ITGB4: variants seen among roughly 807,000 people sequenced by gnomAD.
The protein encoded by ITGB4 is integrin beta-4.
ITGB4 carries 159 observed loss-of-function variants against 207.6 expected under a neutral mutation model. That is an observed-to-expected ratio of 0.77 (90% confidence interval 0.67 to 0.87). The LOEUF (loss-of-function observed/expected upper bound fraction) is 0.87, where lower values mean the gene tolerates loss of function less well. Among genes scored for constraint, ITGB4 ranks in the 40% least tolerant of loss-of-function variants. The probability of loss-of-function intolerance (pLI) is 0.00; values close to 1 mark genes in which losing one functional copy is unlikely to be tolerated. For missense variants in ITGB4, 2,278 were observed against 2,546.8 expected, an observed-to-expected ratio of 0.89 and a Z score of 2.27; for synonymous variants, 1,020 against 1,062.7, an observed-to-expected ratio of 0.96 and a Z score of 0.78.
In ITGB4 at chr17:75,726,753, A is replaced by C. The variant is rs34411869; in HGVS notation, c.80-442A>C. 1.3e-3 allele frequency among the ~76,000 whole-genome samples: 193 copies of C among 149,976 alleles called. 5 individuals carry two copies. The East Asian group carries it at 0.035, about 27-fold the overall frequency. ...CTGAAAAATAAAGTAAAACAAAATA[A>C]AAATACAACAACAACAACAAACCAA... On this transcript the variant is annotated intron_variant, in intron 2 of 39. Coordinates refer to ENST00000200181, the MANE Select transcript of ITGB4 (RefSeq NM_000213.5).
intron 5 of ITGB4, among the ~76,000 whole-genome samples, chr17:75,728,111 C>T (rs1307700893): frequency 1.3e-5 from 2 of 152,182 alleles, no homozygotes; most frequent in Non-Finnish European, 2.9e-5. Context: ...CCCCCTGCCA[C>T]GAGGCTGTGG....
intron 26 of ITGB4, among the ~76,000 whole-genome samples, chr17:75,745,260 G>T (rs889580744): frequency 2.6e-5 from 4 of 151,620 alleles, no homozygotes; most frequent in Non-Finnish European, 4.4e-5. Flanking sequence ...GGGCATGGTA[G>T]TGCATACTTG....
chr17:75,727,643 G>A lies in ITGB4; in HGVS notation c.265-8G>A, dbSNP rs2060750325. On this transcript the variant is annotated splice_polypyrimidine_tract_variant and splice_region_variant and intron_variant, in intron 4 of 39. Coordinates refer to ENST00000200181, the MANE Select transcript of ITGB4 (RefSeq NM_000213.5). This position sits in a 1 kb window ranked among gnomAD's most constrained non-coding sequence, Gnocchi z 6.0. ...CTCTAGCCAGCTGTCCCCTTCCACTGGCTGCAGGAGACCCAGATTGACACC... is the reference window on the plus strand; with the variant it reads ...CTCTAGCCAGCTGTCCCCTTCCACTAGCTGCAGGAGACCCAGATTGACACC... The A allele has an allele frequency of 1.3e-6, 2 of 1,599,932 alleles. No individual in the cohort carries two copies. The highest frequency in any genetic ancestry group is 2.7e-5 in the African/African-American group (2 of 74,682).
Position 75,737,617 on chromosome 17 carries a change from A to G in ITGB4, c.2193A>G (p.Leu731=). 6.2e-7 allele frequency: 1 copy of G among 1,613,358 alleles called. No homozygotes were observed. Among genetic ancestry groups the G allele is most frequent in the Non-Finnish European group, 8.5e-7 (1 of 1,179,790 alleles). Residue 731 remains leucine (L), a synonymous_variant, in exon 18 of 40, where the codon CTA becomes CTG. Coordinates refer to ENST00000200181, the MANE Select transcript of ITGB4 (RefSeq NM_000213.5). ...LLPLLALLLL[L]CWKYCACCKA... ...CGCTCCTGGCCCTGCTACTGCTGCTATGCTGGAAGTACTGTGCCTGCTGCA... is the reference window on the plus strand; with the variant it reads ...CGCTCCTGGCCCTGCTACTGCTGCTGTGCTGGAAGTACTGTGCCTGCTGCA...
rs368024960 is a variant in ITGB4, at chr17:75,754,981, G to C, written c.4558+166G>C. 3 of 1,528,896 alleles carry C rather than the reference G, an allele frequency of 2.0e-6. No individual in the cohort carries two copies. In the African/African-American group the frequency reaches 4.1e-5, roughly 21 times the overall value. 94.7% of individuals were successfully genotyped at this position (1,528,896 alleles called of 1,614,324 possible). On this transcript the variant is annotated intron_variant, in intron 34 of 39. Coordinates refer to ENST00000200181, the MANE Select transcript of ITGB4 (RefSeq NM_000213.5). ...GCACACGCATGCACACATGTACACA[G>C]ACATGCATGCGCACACGTACACACA...
intron 30 of ITGB4, chr17:75,751,858 C>T (rs2061373824): frequency 2.2e-6 from 1 of 447,880 alleles, no homozygotes; most frequent in South Asian, 2.1e-5. Context: ...GGTGGGCAAC[C>T]CCTATGCGTG....
rs191052104 is a variant in ITGB4, at chr17:75,751,623, C to T, written c.3793+512C>T. On this transcript the variant is annotated intron_variant, in intron 30 of 39. Coordinates refer to ENST00000200181, the MANE Select transcript of ITGB4 (RefSeq NM_000213.5). ...AGGCATGGTGGCTCATGCCTGTAGT[C>T]CCAGCTAGTCAGGAGGCTGAGGCAG... 447 of 225,472 alleles carry T rather than the reference C, an allele frequency of 2.0e-3. 1 individual carries two copies. The highest frequency in any genetic ancestry group is 8.2e-3 in the African/African-American group (355 of 43,402). 14.0% of individuals were successfully genotyped at this position (225,472 alleles called of 1,614,324 possible).
chr17:75,736,368 C>T lies in ITGB4; in HGVS notation c.1842C>T (p.Cys614=), dbSNP rs147499356. 5.1e-5 allele frequency: 83 copies of T among 1,614,110 alleles called. No homozygotes were observed. The highest frequency in any genetic ancestry group is 6.5e-5 in the Non-Finnish European group (77 of 1,179,998). The change falls in exon 15 of 40, where the codon TGC becomes TGT. Residue 614 remains cysteine (C), a synonymous_variant. Transcript: ENST00000200181. The stretch of plus-strand genomic sequence containing the variant: ...AGTCGCTCTACACGGACACCATCTG[C>T]GAGATCAACTACTCGGCGGTGAGGC... The part of the protein sequence containing the change: ...HQQSLYTDTI[C]EINYSAIHPG...
chr17:75,736,041 C>G lies in ITGB4; in HGVS notation c.1658-10C>G. The G allele has an allele frequency of 6.2e-7, 1 of 1,613,368 alleles. No homozygotes were observed. The highest frequency in any genetic ancestry group is 1.1e-5 in the South Asian group (1 of 91,076). ...TAGCTCTCATCTCCCTTCCTTGTCC[C>G]TCTCTGCAGACCGAGGACGCTGCTC... On this transcript the variant is annotated splice_polypyrimidine_tract_variant and intron_variant, in intron 13 of 39. Coordinates refer to ENST00000200181, the MANE Select transcript of ITGB4 (RefSeq NM_000213.5).
At chr17:75,755,239 T>A in intron 34 of ITGB4, 1 of 1,590,722 alleles carries the variant, frequency 6.3e-7, no homozygotes, top group Non-Finnish European at 8.6e-7. Context: ...CCATCCTGTC[T>A]CCACAGCTGT....
Position 75,734,175 on chromosome 17 carries a change from C to T in ITGB4, c.1657+483C>T, listed in dbSNP as rs182672141. 2.1e-3 allele frequency among the ~76,000 whole-genome samples: 256 copies of T among 119,842 alleles called. 1 individual carries two copies. The Middle Eastern group carries it at 0.024, about 11-fold the overall frequency. 78.6% of individuals were successfully genotyped at this position (119,842 alleles called of 152,430 possible). A position where few individuals can be genotyped will look rare whatever the true frequency, so the allele number is the denominator to read the frequency against. ...TTTTGAGACAGAGTTTCACTCTTGTCGCCCAGGCTGGAGTGCAATAGCACA... is the reference window on the plus strand; with the variant it reads ...TTTTGAGACAGAGTTTCACTCTTGTTGCCCAGGCTGGAGTGCAATAGCACA... On this transcript the variant is annotated intron_variant, in intron 13 of 39. Coordinates refer to ENST00000200181, the MANE Select transcript of ITGB4 (RefSeq NM_000213.5).
Position 75,750,300 on chromosome 17 carries a change from G to A in ITGB4, c.3474+32G>A. 2.5e-6 allele frequency: 4 copies of A among 1,584,076 alleles called. No individual in the cohort carries two copies. Among genetic ancestry groups the A allele is most frequent in the Non-Finnish European group, 3.4e-6 (4 of 1,162,528 alleles). ...CGGGGGGCTGAGGGTCACGACAGGTGGATGGGCGGTCTGGCACCAGCACTC... is the reference window on the plus strand; with the variant it reads ...CGGGGGGCTGAGGGTCACGACAGGTAGATGGGCGGTCTGGCACCAGCACTC... On this transcript the variant is annotated intron_variant, in intron 28 of 39. Transcript: ENST00000200181. The surrounding 1 kb of genome is among the most constrained non-coding windows in gnomAD (Gnocchi z 5.5).
intron 25 of ITGB4, among the ~76,000 whole-genome samples, 185 bp from the exon 26 acceptor site, chr17:75,743,528 C>T (rs371454556): frequency 6.6e-6 from 1 of 152,198 alleles, no homozygotes; most frequent in African/African-American, 2.4e-5. Flanking sequence ...CCACTGCGCC[C>T]GGCCCCTCAT....
chr17:75,755,182 T>C (rs745643915), intron 34 of ITGB4: 88 of 1,606,728 alleles, frequency 5.5e-5, no homozygotes, highest in Non-Finnish European at 7.4e-5. Flanking sequence ...TAATCCTGGC[T>C]GGGAGGCCAG....
chr17:75,730,557 G>A, intron 8 of ITGB4, 53 bp downstream of exon 8: 1 of 1,596,812 alleles, frequency 6.3e-7, no homozygotes, highest in Non-Finnish European at 8.6e-7. Flanking sequence ...GGGGTCCATG[G>A]AGCTTCTCAG....
Position 75,754,733 on chromosome 17 carries a change from C to G in ITGB4, c.4476C>G (p.Tyr1492Ter). 1 of 1,614,076 alleles carries G rather than the reference C, an allele frequency of 6.2e-7. No individual in the cohort carries two copies. Among genetic ancestry groups the G allele is most frequent in the South Asian group, 1.1e-5 (1 of 91,078 alleles). Reference sequence around the variant, plus strand: ...CATCCTCCACCCTCACACGGGACTACAACTCACTGACCCGCTCAGAACACT... The same window carrying G: ...CATCCTCCACCCTCACACGGGACTAGAACTCACTGACCCGCTCAGAACACT... ...LSTSSTLTRD[Y>*]NSLTRSEHSH... Residue 1492 changes from tyrosine (Y) to a stop codon, truncating the protein, a stop_gained, in exon 34 of 40, where the codon TAC becomes TAG. Coordinates refer to ENST00000200181, the MANE Select transcript of ITGB4 (RefSeq NM_000213.5). LOFTEE classifies it high-confidence loss of function.
In ITGB4 at chr17:75,731,702, C is replaced by T; in HGVS notation, c.1216-110C>T. On this transcript the variant is annotated intron_variant, in intron 10 of 39. Transcript: ENST00000200181. This position sits in a 1 kb window ranked among gnomAD's most constrained non-coding sequence, Gnocchi z 6.8. ...GAGGGAGGTGAGCAGGAGCTCATTT[C>T]AGGGATCCAGACATCTCCTAGGAAC... 1 of 1,229,242 alleles carries T rather than the reference C, an allele frequency of 8.1e-7. No homozygotes were observed. Among genetic ancestry groups the T allele is most frequent in the South Asian group, 1.6e-5 (1 of 64,512 alleles). 76.1% of individuals were successfully genotyped at this position (1,229,242 alleles called of 1,614,324 possible).
At position 75,737,569 on chromosome 17, in the gene ITGB4, C is replaced by T. The variant is rs140999738; in HGVS notation, c.2145C>T (p.Ile715=). Residue 715 remains isoleucine (I), a synonymous_variant, in exon 18 of 40, where the codon ATC becomes ATT. Coordinates refer to ENST00000200181, the MANE Select transcript of ITGB4 (RefSeq NM_000213.5). ...CTCCGGGCTCCTTCTGGTGGCTCAT[C>T]CCCCTGCTCCTCCTCCTCCTGCCGC... ...DCPPGSFWWL[I]PLLLLLLPLL... 688 of 1,598,298 alleles carry T rather than the reference C, an allele frequency of 4.3e-4. No homozygotes were observed. The highest frequency in any genetic ancestry group is 5.4e-4 in the Non-Finnish European group (639 of 1,172,738).
In ITGB4 at chr17:75,748,943, C is replaced by T. The variant is rs368025166; in HGVS notation, c.3214C>T (p.Arg1072Trp). Residue 1072 changes from arginine (R) to tryptophan (W), a missense_variant, in exon 27 of 40, where the codon CGG becomes TGG. Transcript: ENST00000200181. Reference sequence around the variant, plus strand: ...GCTGCAAGAAGTTGACTCCCTCCTGCGGGGCCGCCAGGTCCGCCGTTTCCA... The same window carrying T: ...GCTGCAAGAAGTTGACTCCCTCCTGTGGGGCCGCCAGGTCCGCCGTTTCCA... ...LELQEVDSLL[R>W]GRQVRRFHVQ... 42 of 1,613,100 alleles carry T rather than the reference C, an allele frequency of 2.6e-5. No individual in the cohort carries two copies. The East Asian group carries it at 4.9e-4, about 19-fold the overall frequency.
Sources: allele counts gnomAD v4.1 joint callset (sites outside exome capture counted in the v4.1 genomes callset), GRCh38; gene constraint gnomAD v4.1.1; non-coding constraint Gnocchi (gnomAD v3.1); transcripts MANE v1.5; gene names NCBI Gene and HGNC (gene_info 2026-07-23, HGNC 2026-07-21).